Variants in CNOT1 observed in about 807,000 individuals in gnomAD.
CNOT1 encodes the protein CCR4-NOT transcription complex subunit 1, also known as CCR4-associated factor 1.
In CNOT1, 15 loss-of-function variants were observed where a neutral mutation model predicts 273.8. That is an observed-to-expected ratio of 0.05 (90% CI 0.04 to 0.08). The LOEUF (loss-of-function observed/expected upper bound fraction) is 0.08, where lower values mean the gene tolerates loss of function less well. CNOT1 is among the 10% of genes least tolerant of loss of function. The pLI is 1.00. For synonymous variants in CNOT1, 1,022 were observed against 1,005.5 expected (o/e 1.02, Z -0.31); for missense variants, 1,644 against 2,912.2 (o/e 0.56, Z 10.02).
At chr16:58,559,848 G>T in intron 17 of CNOT1, 1 of 536,952 alleles carries the variant, frequency 1.9e-6, no homozygotes, top group Non-Finnish European at 3.6e-6. Context: ...AAGAGCCCCA[G>T]TTATAACAAG....
rs2043071502 is a variant in CNOT1 at position 58,616,134 on chromosome 16, T to C, written c.-175+13594A>G. On this transcript the variant is annotated intron_variant, in intron 1 of 48. Transcript: ENST00000317147. The stretch of plus-strand genomic sequence containing the variant: ...TTTTTGTTAGTTTTTTCAGACGGAG[T>C]CTCGCTCTGTTGCCCAGGCTGGAGT... 1.6e-5 allele frequency among the ~76,000 whole-genome samples: 2 copies of C among 124,846 alleles called. 1 individual carries two copies. Among genetic ancestry groups the C allele is most frequent in the South Asian group, 4.7e-4 (2 of 4,274 alleles). The allele number at this position is 124,846 out of a possible 152,430, so 81.9% of individuals were successfully genotyped here.
At chr16:58,580,603 T>C in intron 12 of CNOT1, 30 bp downstream of exon 12, 1 of 1,594,716 alleles carries the variant, frequency 6.3e-7, no homozygotes. Flanking sequence ...GAAGTAATCT[T>C]TTAAATGAAA....
rs142814035 is a variant in CNOT1 at position 58,568,802 on chromosome 16, T to C, written c.1979+5807A>G. ...AGGTTTAAGAAAATCTCGTCAATCTTAGCTGACAACAAGGCTAACCAAGCA... is the reference window on the plus strand; with the variant it reads ...AGGTTTAAGAAAATCTCGTCAATCTCAGCTGACAACAAGGCTAACCAAGCA... On this transcript the variant is annotated intron_variant, in intron 16 of 48. Coordinates refer to ENST00000317147, the MANE Select transcript of CNOT1 (RefSeq NM_016284.5). Among the ~76,000 whole-genome samples the C allele has an allele frequency of 2.0e-3, 310 of 152,296 alleles. 1 individual carries two copies. Among genetic ancestry groups the C allele is most frequent in the African/African-American group, 7.3e-3 (303 of 41,550 alleles).
At position 58,581,455 on chromosome 16, in the gene CNOT1, G is replaced by A. The variant is rs371890421; in HGVS notation, c.1105C>T (p.Arg369Cys). The A allele has an allele frequency of 1.6e-5, 26 of 1,613,790 alleles. No homozygotes were observed. In the African/African-American group the frequency reaches 2.3e-4, roughly 14 times the overall value. ...YELDHPGFQI[R>C]DSKGLHNVVY... ...ACATTATGAAGTCCTTTACTGTCAC[G>A]AATTTGAAATCCAGGATGGTCCAGT... The change falls in exon 11 of 49, where the codon CGT becomes TGT. Residue 369 changes from arginine to cysteine, a missense_variant. Coordinates refer to ENST00000317147, the MANE Select transcript of CNOT1 (RefSeq NM_016284.5).
intron 2 of CNOT1, among the ~76,000 whole-genome samples, chr16:58,592,669 T>G (rs1455534244): frequency 6.6e-6 from 1 of 152,148 alleles, no homozygotes; most frequent in Admixed American, 6.6e-5. Context: ...TCTTTGAAAC[T>G]GATAAATTCA....
At chr16:58,610,128 T>C (rs1031394652) in intron 1 of CNOT1, among the ~76,000 whole-genome samples, 3 of 152,204 alleles carry the variant, frequency 2.0e-5, no homozygotes, top group African/African-American at 7.2e-5. Flanking sequence ...TTTAAAATGC[T>C]GATTCCTGGC....
intron 30 of CNOT1, among the ~76,000 whole-genome samples, chr16:58,544,712 G>C (rs2040201979): frequency 6.6e-6 from 1 of 152,052 alleles, no homozygotes. Flanking sequence ...AAAAAGTAAG[G>C]ACAATGAAAA....
chr16:58,529,626 T>G (rs2151900473), intron 43 of CNOT1, among the ~76,000 whole-genome samples: 1 of 151,590 alleles, frequency 6.6e-6, no homozygotes, highest in East Asian at 1.9e-4. Context: ...TCACTTAAGG[T>G]CAGGAGTTTG....
Position 58,551,713 on chromosome 16 carries a change from ACCTGGGCCTGAG to A in CNOT1, c.3065_3076del (p.Ala1022_Gln1025del), listed in dbSNP as rs763747299. 26 of 1,614,022 alleles carry A rather than the reference ACCTGGGCCTGAG, an allele frequency of 1.6e-5. No individual in the cohort carries two copies. Among genetic ancestry groups the A allele is most frequent in the East Asian group, 6.7e-5 (3 of 44,888 alleles). On this transcript the variant is annotated inframe_deletion, in exon 23 of 49. Coordinates refer to ENST00000317147, the MANE Select transcript of CNOT1 (RefSeq NM_016284.5). ...ACCAGCAAGAGGAGCTTTTGCTGGA[ACCTGGGCCTGAG>A]CCTGGGCCTGAGCCAGTGCAATACT...
intron 14 of CNOT1, among the ~76,000 whole-genome samples, 178 bp downstream of exon 14, chr16:58,576,285 T>C (rs1334321259): frequency 6.6e-6 from 1 of 151,982 alleles, no homozygotes; most frequent in Non-Finnish European, 1.5e-5. Flanking sequence ...AATTTTTCTA[T>C]TTTTAGTAGA....
intron 3 of CNOT1, 103 bp downstream of exon 3, chr16:58,588,695 CT>C (rs1358278749): frequency 6.4e-6 from 9 of 1,406,812 alleles, no homozygotes; most frequent in Non-Finnish European, 8.8e-6. Flanking sequence ...GCTACAATCA[CT>C]TCCGGATGCT....
rs531847215 is a variant in CNOT1 at position 58,520,169 on chromosome 16, CAATT to C, written c.*785_*788del. On this transcript the variant is annotated 3_prime_UTR_variant, in exon 49 of 49. Coordinates refer to ENST00000317147, the MANE Select transcript of CNOT1 (RefSeq NM_016284.5). ...CATTCAGTGGGGTAATGGGGGAGAA[CAATT>C]AATTAATGAGATTTGGTTCCCTTTC... 2.2e-4 allele frequency: 34 copies of C among 151,754 alleles called. No individual in the cohort carries two copies. Among genetic ancestry groups the C allele is most frequent in the African/African-American group, 4.4e-4 (18 of 41,344 alleles). The allele number at this position is 151,754 out of a possible 1,614,324, so 9.4% of individuals were successfully genotyped here.
At chr16:58,626,141 C>G (rs141895987) in intron 1 of CNOT1, among the ~76,000 whole-genome samples, 137 of 152,240 alleles carry the variant, frequency 9.0e-4, no homozygotes, top group Middle Eastern at 3.4e-3. Context: ...GGTGCTATGG[C>G]TCACGCCTGT....
chr16:58,612,737 T>C (rs566400895), intron 1 of CNOT1, among the ~76,000 whole-genome samples: 18 of 152,114 alleles, frequency 1.2e-4, no homozygotes, highest in Non-Finnish European at 2.5e-4. Flanking sequence ...AAAACTTCTA[T>C]GGAAGGCTGA....
chr16:58,567,027 G>A (rs569648466), intron 16 of CNOT1, among the ~76,000 whole-genome samples: 9 of 152,120 alleles, frequency 5.9e-5, no homozygotes, highest in East Asian at 1.9e-4. Context: ...GGTGGCATGC[G>A]TCTATAGGAC....
intron 1 of CNOT1, among the ~76,000 whole-genome samples, chr16:58,604,774 G>A (rs545810020): frequency 7.2e-6 from 1 of 139,684 alleles, no homozygotes; most frequent in African/African-American, 2.7e-5. Context: ...TCCAGCCTGC[G>A]CAACAAGAGC....
Position 58,578,885 on chromosome 16 carries a change from A to G in CNOT1, c.1398T>C (p.Tyr466=). Reference sequence around the variant, plus strand: ...AGCTGAAGAGCTGTTTGACTTGCTCATACTGCCCAACCTCTGCAAGCCTCA... The same window carrying G: ...AGCTGAAGAGCTGTTTGACTTGCTCGTACTGCCCAACCTCTGCAAGCCTCA... ...SLLRLAEVGQ[Y]EQVKQLFSFP... The change falls in exon 13 of 49, where the codon TAT becomes TAC. Residue 466 remains tyrosine, a synonymous_variant. Transcript: ENST00000317147. The G allele has an allele frequency of 6.2e-7, 1 of 1,614,208 alleles. No individual in the cohort carries two copies. The highest frequency in any genetic ancestry group is 8.5e-7 in the Non-Finnish European group (1 of 1,180,042).
At chr16:58,529,694 A>C (rs148318455) in intron 43 of CNOT1, among the ~76,000 whole-genome samples, 15 of 152,114 alleles carry the variant, frequency 9.9e-5, no homozygotes, top group African/African-American at 3.6e-4. Context: ...ACAAAAAATT[A>C]GCCAGGCATG....
rs907454673 is a variant in CNOT1, at chr16:58,532,516, T to C, written c.5896-121A>G. The C allele has an allele frequency of 4.2e-6, 6 of 1,439,480 alleles. No individual in the cohort carries two copies. In the African/African-American group the frequency reaches 5.7e-5, roughly 14 times the overall value. 89.2% of individuals were successfully genotyped at this position (1,439,480 alleles called of 1,614,324 possible). A position where few individuals can be genotyped will look rare whatever the true frequency, so the allele number is the denominator to read the frequency against. ...CATTAAAGGAAAGCATATATACAAT[T>C]TGAATACAAAATTACATGCTGGCAG... On this transcript the variant is annotated intron_variant, in intron 40 of 48. Transcript: ENST00000317147.
Sources: gnomAD v4.1 joint callset for allele counts (sites outside exome capture counted in the v4.1 genomes callset) on GRCh38, gnomAD v4.1.1 for gene constraint, MANE v1.5 for transcripts, NCBI Gene and HGNC (gene_info 2026-07-23, HGNC 2026-07-21) for gene names.